NR2F1-AS1: variants seen among roughly 807,000 people sequenced by gnomAD.
The protein encoded by NR2F1-AS1 is NR2F1 regulatory antisense RNA 1, also known as NR2F1 antisense RNA 1.
At chr5:93,536,614 A>G (rs1031920780) in intron 4 of NR2F1-AS1, among the ~76,000 whole-genome samples, 4 of 152,254 alleles carry the variant, frequency 2.6e-5, no homozygotes, top group Non-Finnish European at 4.4e-5. Flanking sequence ...CAGATTAGAG[A>G]GCCAAGAAAT....
intron 1 of NR2F1-AS1, among the ~76,000 whole-genome samples, chr5:93,574,048 A>G (rs1752838455): frequency 6.6e-6 from 1 of 152,246 alleles, no homozygotes; most frequent in South Asian, 2.1e-4. Flanking sequence ...AAGTCATTTC[A>G]GCTCCATTGT....
At chr5:93,460,526 TGAA>T (rs1750065793) in intron 4 of NR2F1-AS1, among the ~76,000 whole-genome samples, 2 of 152,038 alleles carry the variant, frequency 1.3e-5, no homozygotes, top group African/African-American at 4.8e-5. Flanking sequence ...AGAAATAAAA[TGAA>T]GGACAACATT....
chr5:93,521,999 C>T (rs536704212), intron 4 of NR2F1-AS1, among the ~76,000 whole-genome samples: 19 of 152,046 alleles, frequency 1.2e-4, no homozygotes, highest in Non-Finnish European at 2.6e-4. Flanking sequence ...AAATGTGGTA[C>T]ATATATATCA....
At chr5:93,478,324 C>T (rs1412901427) in intron 4 of NR2F1-AS1, among the ~76,000 whole-genome samples, 1 of 152,184 alleles carries the variant, frequency 6.6e-6, no homozygotes, top group Non-Finnish European at 1.5e-5. Flanking sequence ...GTCAATCCTC[C>T]CAATGAAGAC....
intron 4 of NR2F1-AS1, among the ~76,000 whole-genome samples, chr5:93,501,645 T>C (rs1433517632): frequency 1.3e-5 from 2 of 152,180 alleles, no homozygotes; most frequent in Non-Finnish European, 2.9e-5. Flanking sequence ...TGAGCCACCA[T>C]ACCCTGCCAA....
chr5:93,440,207 C>T (rs1271304328), intron 4 of NR2F1-AS1, among the ~76,000 whole-genome samples: 2 of 151,406 alleles, frequency 1.3e-5, no homozygotes, highest in Non-Finnish European at 2.9e-5. Flanking sequence ...CTCTCTCTCT[C>T]TCTCTCTCTC....
chr5:93,502,368 T>G lies in NR2F1-AS1; in HGVS notation n.638+51393A>C, dbSNP rs530249070. On this transcript the variant is annotated intron_variant and non_coding_transcript_variant, in intron 4 of 5. Coordinates refer to ENST00000660523, the Ensembl canonical transcript of NR2F1-AS1. ...AAACATCTAACCCCCAAAAAAGGTA[T>G]ATAGCTTAGAAATACCCAGGGTTCA... Among the ~76,000 whole-genome samples the G allele has an allele frequency of 5.3e-5, 8 of 152,220 alleles. No individual in the cohort carries two copies. In the East Asian group the frequency reaches 1.5e-3, roughly 29 times the overall value.
intron 4 of NR2F1-AS1, among the ~76,000 whole-genome samples, chr5:93,472,115 T>C (rs139129485): frequency 1.3e-5 from 2 of 151,936 alleles, no homozygotes; most frequent in East Asian, 3.9e-4. Context: ...ACAAAGCTGG[T>C]AAATAGTGTT....
At chr5:93,450,379 C>T (rs945173241) in intron 4 of NR2F1-AS1, among the ~76,000 whole-genome samples, 6 of 152,130 alleles carry the variant, frequency 3.9e-5, no homozygotes, top group South Asian at 2.1e-4. Context: ...TATGAAATTT[C>T]GTTTTATAAC....
chr5:93,469,246 T>C (rs1436010860), intron 4 of NR2F1-AS1, among the ~76,000 whole-genome samples: 1 of 152,156 alleles, frequency 6.6e-6, no homozygotes, highest in Non-Finnish European at 1.5e-5. Flanking sequence ...AAACCTAGGA[T>C]ATATGGTATG....
intron 4 of NR2F1-AS1, chr5:93,541,997 TG>T (rs947815984): frequency 2.0e-5 from 3 of 151,654 alleles, no homozygotes; most frequent in African/African-American, 4.9e-5. Flanking sequence ...GGTTCCAATA[TG>T]GCAAAGTACT....
rs536134617 is a variant in NR2F1-AS1 at position 93,573,587 on chromosome 5, G to A, written n.313+6880C>T. ...CAGTGGCCACAATAAATTTAACCAA[G>A]GCTAAAGGAGATTAATTTCCCAGCA... On this transcript the variant is annotated intron_variant and non_coding_transcript_variant, in intron 1 of 5. Coordinates refer to ENST00000660523, the Ensembl canonical transcript of NR2F1-AS1. Among the ~76,000 whole-genome samples the A allele has an allele frequency of 1.1e-4, 16 of 152,270 alleles. No individual in the cohort carries two copies. In the South Asian group the frequency reaches 2.9e-3, roughly 28 times the overall value.
chr5:93,479,627 G>A (rs982827113), intron 4 of NR2F1-AS1, among the ~76,000 whole-genome samples: 2 of 151,878 alleles, frequency 1.3e-5, no homozygotes, highest in African/African-American at 4.8e-5. Flanking sequence ...AAATTATGAA[G>A]CACACAAAAA....
At chr5:93,480,851 T>C (rs932270652) in intron 4 of NR2F1-AS1, among the ~76,000 whole-genome samples, 4 of 151,832 alleles carry the variant, frequency 2.6e-5, no homozygotes, top group Admixed American at 6.6e-5. Context: ...TGGTAACCAC[T>C]AAGAAAATAA....
intron 4 of NR2F1-AS1, among the ~76,000 whole-genome samples, chr5:93,505,650 C>T (rs1751170361): frequency 6.6e-6 from 1 of 152,202 alleles, no homozygotes; most frequent in African/African-American, 2.4e-5. Context: ...CTTGGGGCTT[C>T]CACCCTCTGA....
At chr5:93,440,854 T>A (rs1213716634) in intron 4 of NR2F1-AS1, among the ~76,000 whole-genome samples, 1 of 152,184 alleles carries the variant, frequency 6.6e-6, no homozygotes, top group African/African-American at 2.4e-5. Flanking sequence ...ATTCTTTTTA[T>A]CTCATCTAAG....
chr5:93,468,410 G>A (rs559046592), intron 4 of NR2F1-AS1, among the ~76,000 whole-genome samples: 4 of 152,310 alleles, frequency 2.6e-5, no homozygotes, highest in African/African-American at 9.6e-5. Flanking sequence ...GTGATCATGA[G>A]CATTTTTTGA....
At chr5:93,542,000 C>A (rs768857528) in intron 4 of NR2F1-AS1, 11 of 151,184 alleles carry the variant, frequency 7.3e-5, no homozygotes, top group Non-Finnish European at 1.5e-4. Context: ...TCCAATATGG[C>A]AAAGTACTTT....
At chr5:93,521,115 G>A in intron 4 of NR2F1-AS1, among the ~76,000 whole-genome samples, 1 of 152,020 alleles carries the variant, frequency 6.6e-6, no homozygotes, top group East Asian at 1.9e-4. Context: ...ACACGCAATG[G>A]GGAAAAGACT....
Sources: gnomAD v4.1 joint callset for allele counts (sites outside exome capture counted in the v4.1 genomes callset) on GRCh38, gnomAD v4.1.1 for gene constraint, MANE v1.5 for transcripts, NCBI Gene and HGNC (gene_info 2026-07-23, HGNC 2026-07-21) for gene names.